The following PHKB variants were observed in gnomAD, a reference collection of about 807,000 sequenced individuals.
PHKB encodes the protein phosphorylase kinase regulatory subunit beta, also known as phosphorylase b kinase regulatory subunit beta.
In PHKB, 122 loss-of-function variants were observed where a neutral mutation model predicts 152.1. The ratio of observed to expected loss-of-function variants is 0.80; its 90% CI spans 0.69 to 0.93. The LOEUF (loss-of-function observed/expected upper bound fraction) is 0.93, where lower values mean the gene tolerates loss of function less well. PHKB is among the 40% of genes least tolerant of loss of function. The pLI is 0.00. For missense variants in PHKB, 1,304 were observed against 1,328.4 expected (o/e 0.98, Z 0.29); for synonymous variants, 436 against 464.9 (o/e 0.94, Z 0.80).
intron 8 of PHKB, among the ~76,000 whole-genome samples, chr16:47,584,454 A>C (rs1471147742): frequency 1.3e-5 from 2 of 152,180 alleles, no homozygotes; most frequent in African/African-American, 4.8e-5. Context: ...TTCATGTTCA[A>C]ATTTATCTTT....
At chr16:47,698,697 A>G in intron 30 of PHKB, 109 bp downstream of exon 30, 1 of 1,029,020 alleles carries the variant, frequency 9.7e-7, no homozygotes, top group Non-Finnish European at 1.4e-6. Flanking sequence ...ACAGATTCAC[A>G]GGTGCAAAAT....
chr16:47,536,847 T>C (rs988473352), intron 6 of PHKB, among the ~76,000 whole-genome samples: 1 of 152,202 alleles, frequency 6.6e-6, no homozygotes, highest in African/African-American at 2.4e-5. Context: ...AGAGCCGTGG[T>C]CTTGGCTCTA....
At chr16:47,523,326 G>A (rs924777702) in intron 6 of PHKB, among the ~76,000 whole-genome samples, 4 of 152,124 alleles carry the variant, frequency 2.6e-5, no homozygotes, top group African/African-American at 9.7e-5. Flanking sequence ...TGTTTGTTTA[G>A]CATCTTTCCT....
At chr16:47,678,227 C>T (rs1317268947) in intron 26 of PHKB, among the ~76,000 whole-genome samples, 2 of 152,054 alleles carry the variant, frequency 1.3e-5, no homozygotes. Flanking sequence ...CCACAATAAA[C>T]ATATGTATGC....
intron 4 of PHKB, 143 bp downstream of exon 4, chr16:47,503,233 C>T: frequency 1.5e-6 from 1 of 685,282 alleles, no homozygotes; most frequent in Non-Finnish European, 2.7e-6. Context: ...GGTTAACAGC[C>T]TTTGCCATTC....
At chr16:47,693,607 C>G in intron 28 of PHKB, 100 bp downstream of exon 28, 1 of 1,256,782 alleles carries the variant, frequency 8.0e-7, no homozygotes, top group Non-Finnish European at 1.1e-6. Context: ...TTTCAGCGTT[C>G]TAAGAGTATT....
intron 13 of PHKB, among the ~76,000 whole-genome samples, chr16:47,599,224 T>G (rs933181403): frequency 2.0e-5 from 3 of 152,230 alleles, no homozygotes; most frequent in Non-Finnish European, 4.4e-5. Context: ...ATGTTCTATA[T>G]TTGGAAATTA....
At chr16:47,598,772 C>T in intron 13 of PHKB, 1 of 1,584,428 alleles carries the variant, frequency 6.3e-7, no homozygotes, top group South Asian at 1.1e-5. Context: ...ATCACCTCTT[C>T]TAATTGACTG....
intron 11 of PHKB, 68 bp from the exon 12 acceptor site, chr16:47,594,069 T>C: frequency 1.3e-6 from 1 of 798,096 alleles, no homozygotes; most frequent in Non-Finnish European, 2.2e-6. Context: ...ATATATTTTT[T>C]CTAAGGTAAA....
chr16:47,613,683 C>T (rs938156276), intron 14 of PHKB, among the ~76,000 whole-genome samples: 1 of 152,026 alleles, frequency 6.6e-6, no homozygotes, highest in Non-Finnish European at 1.5e-5. Flanking sequence ...TTTGTGTAAC[C>T]ACCGTCACGG....
chr16:47,696,118 G>A (rs1265900945), intron 28 of PHKB, among the ~76,000 whole-genome samples: 2 of 151,548 alleles, frequency 1.3e-5, no homozygotes, highest in Non-Finnish European at 2.9e-5. Context: ...GTGTATTAAA[G>A]TGGCCTTCTA....
chr16:47,505,503 A>C (rs1567283353), intron 4 of PHKB: 2 of 152,380 alleles, frequency 1.3e-5, no homozygotes, highest in African/African-American at 2.4e-5. Context: ...AGGCCTGGTC[A>C]GTACTTGGAT....
chr16:47,698,364 G>C, intron 29 of PHKB, 84 bp from the exon 30 acceptor site: 1 of 1,001,004 alleles, frequency 1.0e-6, no homozygotes, highest in Non-Finnish European at 1.6e-6. Flanking sequence ...ATATCCTTTG[G>C]ATCACCCATC....
Position 47,563,548 on chromosome 16 carries a change from G to T in PHKB, c.710+16000G>T, listed in dbSNP as rs137910022. On this transcript the variant is annotated intron_variant, in intron 7 of 30. Coordinates refer to ENST00000323584, the MANE Select transcript of PHKB (RefSeq NM_000293.3). Reference sequence around the variant, plus strand: ...GGGCTTAAAATATTCAGGAAACCATGCTGTAAAAAGATGTGCTGTCATTCA... The same window carrying T: ...GGGCTTAAAATATTCAGGAAACCATTCTGTAAAAAGATGTGCTGTCATTCA... Among the ~76,000 whole-genome samples, 141 of 152,198 alleles carry T rather than the reference G, an allele frequency of 9.3e-4. 1 individual carries two copies. The highest frequency in any genetic ancestry group is 3.3e-3 in the African/African-American group (135 of 41,530).
intron 6 of PHKB, among the ~76,000 whole-genome samples, chr16:47,523,693 G>A (rs1970721254): frequency 6.6e-6 from 1 of 152,166 alleles, no homozygotes; most frequent in Admixed American, 6.5e-5. Context: ...GGCCCCCGTG[G>A]ACACTTCATC....
At chr16:47,463,856 G>A in intron 1 of PHKB, 1 of 1,404,064 alleles carries the variant, frequency 7.1e-7, no homozygotes, top group Non-Finnish European at 1.0e-6. Context: ...ATTTAACACT[G>A]ATTGCTTCTA....
At chr16:47,551,015 T>C (rs1338435430) in intron 7 of PHKB, among the ~76,000 whole-genome samples, 1 of 152,240 alleles carries the variant, frequency 6.6e-6, no homozygotes, top group East Asian at 1.9e-4. Flanking sequence ...GAGGTGTTTA[T>C]AGTATTCTCT....
At position 47,532,752 on chromosome 16, in the gene PHKB, G is replaced by A. The variant is rs958399772; in HGVS notation, c.595-14681G>A. The stretch of plus-strand genomic sequence containing the variant: ...AAGAGGGAGTCAGCCCTGGCTCAGG[G>A]AGCTCCCACGTCTGGGCTCCCCAAA... On this transcript the variant is annotated intron_variant, in intron 6 of 30. Transcript: ENST00000323584. Among the ~76,000 whole-genome samples the A allele has an allele frequency of 6.6e-5, 10 of 152,224 alleles. No individual in the cohort carries two copies. The South Asian group carries it at 2.1e-3, about 32-fold the overall frequency.
chr16:47,501,890 C>T (rs1024639253), intron 3 of PHKB, among the ~76,000 whole-genome samples: 8 of 152,104 alleles, frequency 5.3e-5, no homozygotes, highest in African/African-American at 1.4e-4. Context: ...GTAGAATATG[C>T]CTCTATTAAA....
Sources: gnomAD v4.1 joint callset for allele counts (sites outside exome capture counted in the v4.1 genomes callset) on GRCh38, gnomAD v4.1.1 for gene constraint, MANE v1.5 for transcripts, NCBI Gene and HGNC (gene_info 2026-07-23, HGNC 2026-07-21) for gene names.